Variants in EIPR1 observed in about 807,000 individuals in gnomAD.
EIPR1 encodes the protein EARP and GARP complex-interacting protein 1.
Under a neutral mutation model 48.1 loss-of-function variants are expected in EIPR1, and 25 were observed. The ratio of observed to expected loss-of-function variants is 0.52; its 90% CI spans 0.38 to 0.73. EIPR1 has a LOEUF of 0.73. Ranked by LOEUF, EIPR1 falls within the 30% of genes least tolerant of loss-of-function variation. The pLI is 0.00. For synonymous variants in EIPR1, 204 were observed against 201.9 expected, an observed-to-expected ratio of 1.01 and a Z score of -0.09; for missense variants, 415 against 506.2, an observed-to-expected ratio of 0.82 and a Z score of 1.73.
At chr2:3,371,352 A>C (rs1671110648) in intron 1 of EIPR1, among the ~76,000 whole-genome samples, 1 of 152,194 alleles carries the variant, frequency 6.6e-6, no homozygotes, top group Non-Finnish European at 1.5e-5. Flanking sequence ...TAACCAGCTA[A>C]CAGCATGACA....
intron 4 of EIPR1, among the ~76,000 whole-genome samples, chr2:3,243,218 C>CT (rs1373707917): frequency 6.6e-6 from 1 of 152,124 alleles, no homozygotes; most frequent in African/African-American, 2.4e-5. Context: ...AGGGGAATGG[C>CT]TTTTTTCTCC....
intron 4 of EIPR1, among the ~76,000 whole-genome samples, chr2:3,237,017 A>G (rs1558242272): frequency 6.6e-6 from 1 of 152,054 alleles, no homozygotes; most frequent in Admixed American, 6.6e-5. Flanking sequence ...GGTGGCTGTG[A>G]TTTCCTACGG....
intron 1 of EIPR1, among the ~76,000 whole-genome samples, chr2:3,354,899 C>T (rs778261046): frequency 5.9e-5 from 9 of 152,160 alleles, no homozygotes; most frequent in Non-Finnish European, 1.2e-4. Flanking sequence ...ATCTACACAT[C>T]AATGTTTAAA....
chr2:3,292,090 T>C (rs1026455556), intron 3 of EIPR1, among the ~76,000 whole-genome samples: 18 of 152,244 alleles, frequency 1.2e-4, no homozygotes, highest in African/African-American at 3.6e-4. Context: ...GAGTTTTCCA[T>C]TCTGGCTCCA....
At chr2:3,256,434 C>T (rs182191819) in intron 4 of EIPR1, among the ~76,000 whole-genome samples, 100 of 152,286 alleles carry the variant, frequency 6.6e-4, no homozygotes, top group African/African-American at 2.4e-3. Flanking sequence ...GGAGGCCGGG[C>T]CCTCTAACTT....
At chr2:3,335,464 G>T (rs1051294227) in intron 3 of EIPR1, among the ~76,000 whole-genome samples, 1 of 151,978 alleles carries the variant, frequency 6.6e-6, no homozygotes, top group African/African-American at 2.4e-5. Context: ...CCTGCACGAG[G>T]GGGGTTTCCT....
intron 3 of EIPR1, among the ~76,000 whole-genome samples, chr2:3,310,829 C>G (rs982402674): frequency 6.6e-6 from 1 of 151,836 alleles, no homozygotes; most frequent in Non-Finnish European, 1.5e-5. Context: ...ATATACTAAA[C>G]TTTGTTACAC....
intron 4 of EIPR1, among the ~76,000 whole-genome samples, chr2:3,217,146 A>G (rs1421040726): frequency 6.6e-6 from 1 of 152,242 alleles, no homozygotes; most frequent in East Asian, 1.9e-4. Context: ...GCTATAAAAG[A>G]TGATTAATTC....
intron 4 of EIPR1, among the ~76,000 whole-genome samples, chr2:3,253,441 C>T (rs1276638056): frequency 6.6e-6 from 1 of 152,184 alleles, no homozygotes; most frequent in Non-Finnish European, 1.5e-5. Flanking sequence ...AAATATTTTA[C>T]AGAACTGGAC....
chr2:3,259,999 C>T (rs1209996326), intron 3 of EIPR1, among the ~76,000 whole-genome samples: 1 of 152,196 alleles, frequency 6.6e-6, no homozygotes. Flanking sequence ...AGAATATCTT[C>T]TCAGCCTTGG....
At chr2:3,250,340 G>A (rs1666965204) in intron 4 of EIPR1, among the ~76,000 whole-genome samples, 1 of 152,236 alleles carries the variant, frequency 6.6e-6, no homozygotes, top group Non-Finnish European at 1.5e-5. Context: ...GGTTTCAGAC[G>A]TGCATGGGGC....
At position 3,189,329 on chromosome 2, in the gene EIPR1, G is replaced by A. The variant is rs201213681; in HGVS notation, c.*5C>T. The A allele has an allele frequency of 3.8e-5, 60 of 1,572,474 alleles. No individual in the cohort carries two copies. Among genetic ancestry groups the A allele is most frequent in the Admixed American group, 5.2e-5 (3 of 58,180 alleles). On this transcript the variant is annotated 3_prime_UTR_variant, in exon 9 of 9. Transcript: ENST00000382125. The surrounding 1 kb of genome is among the most constrained non-coding windows in gnomAD (Gnocchi z 4.6). Reference sequence around the variant, plus strand: ...AATGGGACCTGGATAACCCAGGCCCGGGAGTCATAGCAGGATGTGGTACTT... The same window carrying A: ...AATGGGACCTGGATAACCCAGGCCCAGGAGTCATAGCAGGATGTGGTACTT...
chr2:3,362,087 T>G (rs1226166107), intron 1 of EIPR1, among the ~76,000 whole-genome samples: 1 of 152,246 alleles, frequency 6.6e-6, no homozygotes, highest in Non-Finnish European at 1.5e-5. Flanking sequence ...AGACCCGCAC[T>G]AAGCGCCCCT....
At chr2:3,337,418 A>C (rs796791325) in intron 3 of EIPR1, among the ~76,000 whole-genome samples, 22 of 152,308 alleles carry the variant, frequency 1.4e-4, no homozygotes, top group African/African-American at 5.1e-4. Flanking sequence ...AAGAGATCCT[A>C]GGAGATATTT....
chr2:3,365,741 G>C (rs1030800301), intron 1 of EIPR1, among the ~76,000 whole-genome samples: 1 of 150,920 alleles, frequency 6.6e-6, no homozygotes, highest in African/African-American at 2.4e-5. Context: ...ATCTTGCACC[G>C]CCCTTAATCC....
At chr2:3,216,799 GAA>G (rs1207489403) in intron 4 of EIPR1, among the ~76,000 whole-genome samples, 14 of 152,222 alleles carry the variant, frequency 9.2e-5, no homozygotes, top group Non-Finnish European at 1.9e-4. Context: ...AAGTCAGAGT[GAA>G]GAATTCCAGG....
chr2:3,318,999 C>A (rs1572436954), intron 3 of EIPR1: 1 of 468,572 alleles, frequency 2.1e-6, no homozygotes. Context: ...GGAACTTACC[C>A]CAGCAACAAA....
At chr2:3,253,603 C>T (rs1256989553) in intron 4 of EIPR1, among the ~76,000 whole-genome samples, 2 of 152,228 alleles carry the variant, frequency 1.3e-5, no homozygotes, top group Admixed American at 6.5e-5. Context: ...AGAAACCGGA[C>T]TCAGTACTTC....
chr2:3,323,751 C>A (rs1467871923), intron 3 of EIPR1, among the ~76,000 whole-genome samples: 1 of 152,222 alleles, frequency 6.6e-6, no homozygotes, highest in Admixed American at 6.5e-5. Flanking sequence ...TCCAGGCAAC[C>A]TCTATGAACC....
Sources: allele counts gnomAD v4.1 joint callset (sites outside exome capture counted in the v4.1 genomes callset), GRCh38; gene constraint gnomAD v4.1.1; non-coding constraint Gnocchi (gnomAD v3.1); transcripts MANE v1.5; gene names NCBI Gene and HGNC (gene_info 2026-07-23, HGNC 2026-07-21).